The following EPS8L1 variants were observed in gnomAD, a reference collection of about 807,000 sequenced individuals.
EPS8L1 encodes epidermal growth factor receptor kinase substrate 8-like protein 1.
Under a neutral mutation model 91.7 loss-of-function variants are expected in EPS8L1, and 101 were observed. That is an observed-to-expected ratio of 1.10 (90% CI 0.94 to 1.30). The LOEUF is 1.30. Among genes scored for constraint, EPS8L1 ranks in the 50% most tolerant of loss-of-function variants. The probability of loss-of-function intolerance (pLI) is 0.00; values close to 1 mark genes in which losing one functional copy is unlikely to be tolerated. For missense variants in EPS8L1, 1,114 were observed against 1,017.0 expected, an observed-to-expected ratio of 1.10 and a Z score of -1.30; for synonymous variants, 506 against 445.3, an observed-to-expected ratio of 1.14 and a Z score of -1.72.
intron 14 of EPS8L1, among the ~76,000 whole-genome samples, chr19:55,085,485 C>T (rs1438227974): frequency 2.6e-5 from 4 of 152,096 alleles, no homozygotes; most frequent in South Asian, 2.1e-4. Flanking sequence ...TTTTATTATG[C>T]TTATGAGTTA....
chr19:55,079,135 G>C, intron 4 of EPS8L1, 78 bp downstream of exon 4: 1 of 1,451,024 alleles, frequency 6.9e-7, no homozygotes, highest in Non-Finnish European at 9.7e-7. Flanking sequence ...TTTGAAAGCA[G>C]CTAGGCCCCC....
At chr19:55,080,348 G>T in intron 6 of EPS8L1, 70 bp downstream of exon 6, 2 of 1,545,250 alleles carry the variant, frequency 1.3e-6, no homozygotes, top group Non-Finnish European at 1.7e-6. Context: ...GCGGAAATGG[G>T]TGGGGCCTCT....
chr19:55,082,201 G>C (rs1165643889), intron 10 of EPS8L1, 21 bp downstream of exon 10: 1 of 1,590,542 alleles, frequency 6.3e-7, no homozygotes, highest in East Asian at 2.3e-5. Context: ...GCCCGCCCCT[G>C]GGCCGGGGCG....
rs748949099 is a variant in EPS8L1, at chr19:55,081,226, C to T, written c.513-5C>T. 51 of 1,504,892 alleles carry T rather than the reference C, an allele frequency of 3.4e-5. No individual in the cohort carries two copies. Among genetic ancestry groups the T allele is most frequent in the Admixed American group, 4.5e-5 (2 of 44,546 alleles). 93.2% of individuals were successfully genotyped at this position (1,504,892 alleles called of 1,614,324 possible). A position where few individuals can be genotyped will look rare whatever the true frequency, so the allele number is the denominator to read the frequency against. On this transcript the variant is annotated splice_region_variant and splice_polypyrimidine_tract_variant and intron_variant, in intron 7 of 19. Coordinates refer to ENST00000201647, the MANE Select transcript of EPS8L1 (RefSeq NM_133180.3). The surrounding 1 kb of genome is among the most constrained non-coding windows in gnomAD (Gnocchi z 4.9). ...CAGTCTTGGTGTCCCCGTCGCCCTC[C>T]GCAGGGCCACGCAGGAGGAGTTGCA...
At chr19:55,078,915 G>A in intron 3 of EPS8L1, 84 bp from the exon 4 acceptor site, 2 of 1,423,068 alleles carry the variant, frequency 1.4e-6, no homozygotes, top group South Asian at 1.2e-5. Context: ...TGAGGGAGGA[G>A]GGGCTGGGGG....
chr19:55,081,417 C>A lies in EPS8L1; in HGVS notation c.699C>A (p.Ser233Arg). ...AQRPEPVGTS[S>R]NADSASPDLG... ...GGCCTGAGCCGGTGGGGACCTCGAG[C>A]AACGCTGACTCGGCCTCCCCGGACC... Residue 233 changes from serine to arginine, a missense_variant, in exon 8 of 20, where the codon AGC (serine) becomes AGA (arginine). By Grantham distance (110) the Ser-to-Arg change is moderately radical. Transcript: ENST00000201647. The surrounding 1 kb of genome is among the most constrained non-coding windows in gnomAD (Gnocchi z 4.9). The A allele has an allele frequency of 6.3e-7, 1 of 1,598,620 alleles. No individual in the cohort carries two copies. Among genetic ancestry groups the A allele is most frequent in the Non-Finnish European group, 8.5e-7 (1 of 1,174,256 alleles).
chr19:55,084,316 C>G (rs561617566), intron 14 of EPS8L1: 1 of 154,258 alleles, frequency 6.5e-6, no homozygotes, highest in Admixed American at 6.4e-5. Context: ...AAGATTGAAG[C>G]TTGAGACCTG....
At chr19:55,076,552 T>C in intron 2 of EPS8L1, 91 bp downstream of exon 2, 1 of 1,452,164 alleles carries the variant, frequency 6.9e-7, no homozygotes, top group Non-Finnish European at 9.4e-7. Context: ...CAGCCCAGAC[T>C]GTTTGCGGCG....
In EPS8L1 at chr19:55,080,295, G is replaced by C. The variant is rs1389130705; in HGVS notation, c.429+17G>C. On this transcript the variant is annotated intron_variant, in intron 6 of 19. Transcript: ENST00000201647. ...CGCCTCGGGGTGAGCAGATGGGCTG[G>C]CTCTGGGGGTGGAGCTGGAACTGGG... 4 of 1,536,472 alleles carry C rather than the reference G, an allele frequency of 2.6e-6. No individual in the cohort carries two copies. The highest frequency in any genetic ancestry group is 3.5e-6 in the Non-Finnish European group (4 of 1,139,828).
In EPS8L1 at chr19:55,083,697, G is replaced by T; in HGVS notation, c.1385+53G>T. On this transcript the variant is annotated intron_variant, in intron 14 of 19. Transcript: ENST00000201647. The surrounding 1 kb of genome is among the most constrained non-coding windows in gnomAD (Gnocchi z 4.7). ...GGGGGTCAAGGAGGGGTGCGTCCCGGGGGCTCCCGATGCTGACTCCGCCCC... is the reference window on the plus strand; with the variant it reads ...GGGGGTCAAGGAGGGGTGCGTCCCGTGGGCTCCCGATGCTGACTCCGCCCC... 11 of 1,569,594 alleles carry T rather than the reference G, an allele frequency of 7.0e-6. No individual in the cohort carries two copies. Among genetic ancestry groups the T allele is most frequent in the Middle Eastern group, 1.7e-4 (1 of 6,000 alleles).
chr19:55,081,915 GCGTGGGATCTGAACCCCCTCC>G lies in EPS8L1; in HGVS notation c.901+19_901+39del. On this transcript the variant is annotated intron_variant, in intron 9 of 19. Coordinates refer to ENST00000201647, the MANE Select transcript of EPS8L1 (RefSeq NM_133180.3). This position sits in a 1 kb window ranked among gnomAD's most constrained non-coding sequence, Gnocchi z 4.9. ...GCGGCTGGGGGTAAGGGGCACCCTG[GCGTGGGATCTGAACCCCCTCC>G]CGATCTCTTCCAAATGTCCCCGCTC... The G allele has an allele frequency of 6.2e-7, 1 of 1,602,828 alleles. No homozygotes were observed. The highest frequency in any genetic ancestry group is 8.5e-7 in the Non-Finnish European group (1 of 1,173,498).
Position 55,080,174 on chromosome 19 carries a change from G to A in EPS8L1, c.325G>A (p.Ala109Thr), listed in dbSNP as rs937959838. The A allele has an allele frequency of 6.5e-7, 1 of 1,532,528 alleles. No individual in the cohort carries two copies. Among genetic ancestry groups the A allele is most frequent in the South Asian group, 1.2e-5 (1 of 83,064 alleles). 94.9% of individuals were successfully genotyped at this position (1,532,528 alleles called of 1,614,324 possible). The change falls in exon 6 of 20, where the codon GCG (alanine) becomes ACG (threonine). Residue 109 changes from alanine to threonine, a missense_variant. Physicochemically the swap from Ala to Thr is moderately conservative, Grantham distance 58 (BLOSUM62 0). Transcript: ENST00000201647. ...ACTGGGCGCCATCGTGCGCTGTGAC[G>A]CGGTGATGCCACCCGGCAGGAGCCG... ...YPLGAIVRCDAVMPPGRSRSL... is the reference protein window; with the variant it reads ...YPLGAIVRCDTVMPPGRSRSL...
chr19:55,080,271 G>C lies in EPS8L1; in HGVS notation c.422G>C (p.Arg141Pro), dbSNP rs910325351. Residue 141 changes from arginine to proline, a missense_variant, in exon 6 of 20, where the codon CGC (arginine) becomes CCC (proline). Arg to Pro is a moderately radical substitution (Grantham distance 103, BLOSUM62 -2). Coordinates refer to ENST00000201647, the MANE Select transcript of EPS8L1 (RefSeq NM_133180.3). ...GACGTGCACTTCTTCCAGGGCCTGC[G>C]CCTCGGGGTGAGCAGATGGGCTGGC... The part of the protein sequence containing the change: ...QPDVHFFQGL[R>P]LGAELIREDI... 1.3e-6 allele frequency: 2 copies of C among 1,532,680 alleles called. No homozygotes were observed. The highest frequency in any genetic ancestry group is 1.8e-6 in the Non-Finnish European group (2 of 1,135,822). The allele number at this position is 1,532,680 out of a possible 1,614,324, so 94.9% of individuals were successfully genotyped here.
intron 12 of EPS8L1, 28 bp downstream of exon 12, chr19:55,082,630 G>A (rs771292886): frequency 6.5e-7 from 1 of 1,541,448 alleles, no homozygotes. Context: ...GAGGCAGGGG[G>A]CATGGTGATT....
chr19:55,085,789 G>A, intron 14 of EPS8L1, 52 bp from the exon 15 acceptor site: 2 of 1,584,154 alleles, frequency 1.3e-6, no homozygotes, highest in Middle Eastern at 3.5e-4. Context: ...CTGCAGCCCA[G>A]AGCAATGGGG....
chr19:55,076,888 C>A (rs1461933766), intron 2 of EPS8L1, among the ~76,000 whole-genome samples: 1 of 152,172 alleles, frequency 6.6e-6, no homozygotes, highest in Non-Finnish European at 1.5e-5. Context: ...TAACCCTTTG[C>A]TAGAAAATCA....
intron 4 of EPS8L1, 49 bp downstream of exon 4, chr19:55,079,106 G>T (rs1218856019): frequency 6.3e-7 from 1 of 1,594,772 alleles, no homozygotes; most frequent in Non-Finnish European, 8.6e-7. Context: ...GGGCAAAGGT[G>T]GCCTCAGGAG....
At chr19:55,082,017 C>T (rs1257281899) in intron 9 of EPS8L1, 75 bp from the exon 10 acceptor site, 3 of 1,551,136 alleles carry the variant, frequency 1.9e-6, no homozygotes, top group Admixed American at 3.9e-5. Flanking sequence ...GCCATCTTAA[C>T]CGGGTGTCCA....
Position 55,083,056 on chromosome 19 carries a change from G to A in EPS8L1, c.1215-322G>A, listed in dbSNP as rs1320851435. ...AGGTGAGATTTAGAGGCTGGATAAG[G>A]CAATTTTTTTCCAGAGAGAGAGATG... On this transcript the variant is annotated intron_variant, in intron 12 of 19. Transcript: ENST00000201647. The surrounding 1 kb of genome is among the most constrained non-coding windows in gnomAD (Gnocchi z 4.7). 6.6e-6 allele frequency among the ~76,000 whole-genome samples: 1 copy of A among 152,116 alleles called. No individual in the cohort carries two copies. Among genetic ancestry groups the A allele is most frequent in the Non-Finnish European group, 1.5e-5 (1 of 68,004 alleles).
Sources: allele counts gnomAD v4.1 joint callset (sites outside exome capture counted in the v4.1 genomes callset), GRCh38; gene constraint gnomAD v4.1.1; non-coding constraint Gnocchi (gnomAD v3.1); transcripts MANE v1.5; gene names NCBI Gene and HGNC (gene_info 2026-07-23, HGNC 2026-07-21).